The following CDYL variants were observed in gnomAD, a reference collection of about 807,000 sequenced individuals.
The protein encoded by CDYL is chromodomain Y-like protein.
CDYL carries 8 observed loss-of-function variants against 47.3 expected under a neutral mutation model. The ratio of observed to expected loss-of-function variants is 0.17; its 90% confidence interval spans 0.10 to 0.31. CDYL has a LOEUF of 0.31. CDYL is among the 10% of genes least tolerant of loss of function. The pLI is 1.00. For missense variants in CDYL, 471 were observed against 701.4 expected (o/e 0.67, Z 3.71); for synonymous variants, 266 against 265.0 (o/e 1.00, Z -0.04).
intron 6 of CDYL, among the ~76,000 whole-genome samples, chr6:4,953,124 C>G (rs1199960964): frequency 6.6e-6 from 1 of 150,988 alleles, no homozygotes; most frequent in Non-Finnish European, 1.5e-5. Context: ...TGGCTCACGC[C>G]TATAATCCCA....
intron 6 of CDYL, among the ~76,000 whole-genome samples, chr6:4,953,255 A>T (rs1030834513): frequency 2.6e-5 from 4 of 151,730 alleles, no homozygotes; most frequent in Non-Finnish European, 4.4e-5. Context: ...TTGGTGGTGC[A>T]CGCCTGTAAT....
At chr6:4,915,369 T>C (rs1050301076) in intron 2 of CDYL, among the ~76,000 whole-genome samples, 5 of 152,200 alleles carry the variant, frequency 3.3e-5, no homozygotes, top group African/African-American at 1.2e-4. Flanking sequence ...CTTATGTGTT[T>C]TGACATTAGA....
At chr6:4,791,426 T>C (rs550626514) in intron 1 of CDYL, among the ~76,000 whole-genome samples, 1 of 152,362 alleles carries the variant, frequency 6.6e-6, no homozygotes, top group South Asian at 2.1e-4. Flanking sequence ...CAAAATCTGT[T>C]TCTCAATTAG....
intron 2 of CDYL, among the ~76,000 whole-genome samples, chr6:4,922,608 T>A (rs1757749679): frequency 6.6e-6 from 1 of 152,170 alleles, no homozygotes; most frequent in African/African-American, 2.4e-5. Context: ...GCTTCAGAGC[T>A]CCCTGCTGGT....
chr6:4,739,021 C>T (rs557151198), intron 3 of CDYL, among the ~76,000 whole-genome samples: 3 of 152,074 alleles, frequency 2.0e-5, no homozygotes, highest in African/African-American at 7.2e-5. Context: ...ATTAGCCGGG[C>T]GTGGTGGCAC....
At chr6:4,858,060 C>T (rs1761060816) in intron 1 of CDYL, among the ~76,000 whole-genome samples, 1 of 150,142 alleles carries the variant, frequency 6.7e-6, no homozygotes, top group African/African-American at 2.5e-5. Context: ...GGCTCTGCCT[C>T]CTTCACTTAT....
intron 3 of CDYL, among the ~76,000 whole-genome samples, chr6:4,750,783 A>G (rs1019508994): frequency 6.6e-6 from 1 of 151,812 alleles, no homozygotes; most frequent in African/African-American, 2.4e-5. Flanking sequence ...AAAAAAAATC[A>G]CGCGTGTCTT....
upstream of CDYL, among the ~76,000 whole-genome samples, chr6:4,775,945 C>T (rs1758427387): frequency 6.7e-6 from 1 of 149,638 alleles, no homozygotes; most frequent in South Asian, 2.1e-4. The surrounding 1 kb of genome is among the most constrained non-coding windows in gnomAD (Gnocchi z 7.0). Flanking sequence ...AGACGCGGGC[C>T]GGCTCGCTCG....
At chr6:4,896,949 A>G (rs962989130) in intron 2 of CDYL, among the ~76,000 whole-genome samples, 5 of 151,454 alleles carry the variant, frequency 3.3e-5, no homozygotes, top group Non-Finnish European at 5.9e-5. Context: ...ATAACCATAT[A>G]TGTGTTTGCT....
intron 2 of CDYL, among the ~76,000 whole-genome samples, chr6:4,920,522 T>C (rs1461461419): frequency 6.6e-6 from 1 of 152,200 alleles, no homozygotes; most frequent in Non-Finnish European, 1.5e-5. Flanking sequence ...AGGGCGCCGT[T>C]CCTGGAACAG....
In CDYL at chr6:4,813,156, C is replaced by G. The variant is rs185538882; in HGVS notation, c.24+36349C>G. On this transcript the variant is annotated intron_variant, in intron 1 of 6. Coordinates refer to ENST00000397588, the MANE Select transcript of CDYL (RefSeq NM_004824.4). Reference sequence around the variant, plus strand: ...TCGAATTAATTATAGTTCGTACTTGCTTTTCCTTGTGTTTATGCATCCATT... The same window carrying G: ...TCGAATTAATTATAGTTCGTACTTGGTTTTCCTTGTGTTTATGCATCCATT... Among the ~76,000 whole-genome samples, 682 of 152,246 alleles carry G rather than the reference C, an allele frequency of 4.5e-3. 4 individuals are homozygous for G. The highest frequency in any genetic ancestry group is 0.016 in the African/African-American group (654 of 41,556).
At chr6:4,776,145 C>A (rs1581158381), upstream of CDYL, among the ~76,000 whole-genome samples, 7 of 113,928 alleles carry the variant, frequency 6.1e-5, no homozygotes, top group South Asian at 2.3e-3. Flanking sequence ...AAGTCGGAGC[C>A]CCGCCCACCA....
intron 1 of CDYL, among the ~76,000 whole-genome samples, chr6:4,817,300 G>A (rs139268285): frequency 6.6e-6 from 1 of 151,262 alleles, no homozygotes; most frequent in Non-Finnish European, 1.5e-5. Flanking sequence ...CAGGTACACA[G>A]TTACAAGTAA....
At chr6:4,798,625 A>G (rs1759141122) in intron 1 of CDYL, among the ~76,000 whole-genome samples, 1 of 152,236 alleles carries the variant, frequency 6.6e-6, no homozygotes, top group South Asian at 2.1e-4. Context: ...GTCTATCTTC[A>G]TAAGGTATGT....
At chr6:4,866,103 G>A (rs969490936) in intron 1 of CDYL, among the ~76,000 whole-genome samples, 4 of 152,028 alleles carry the variant, frequency 2.6e-5, no homozygotes, top group South Asian at 4.1e-4. Flanking sequence ...CTAATCTTAC[G>A]CATTTTGGAA....
At chr6:4,825,124 G>C (rs887475562) in intron 1 of CDYL, among the ~76,000 whole-genome samples, 1 of 152,124 alleles carries the variant, frequency 6.6e-6, no homozygotes, top group African/African-American at 2.4e-5. Flanking sequence ...GCCAGCCTCG[G>C]CCTCCCAAAG....
intron 1 of CDYL, among the ~76,000 whole-genome samples, chr6:4,846,991 T>C (rs1217443313): frequency 6.6e-6 from 1 of 152,230 alleles, no homozygotes; most frequent in Non-Finnish European, 1.5e-5. Context: ...TCCACTTAGA[T>C]CTGTGATCCC....
chr6:4,917,124 C>A (rs1757580674), intron 2 of CDYL, among the ~76,000 whole-genome samples: 1 of 152,166 alleles, frequency 6.6e-6, no homozygotes, highest in East Asian at 1.9e-4. Context: ...AAATCGTTTG[C>A]TTTCATGGTT....
intron 2 of CDYL, among the ~76,000 whole-genome samples, chr6:4,928,942 C>A (rs1186780045): frequency 2.0e-5 from 3 of 152,042 alleles, no homozygotes; most frequent in African/African-American, 7.2e-5. Flanking sequence ...GTGATGAGGC[C>A]AAGCAGTTAC....
Sources: allele counts gnomAD v4.1 joint callset (sites outside exome capture counted in the v4.1 genomes callset), GRCh38; gene constraint gnomAD v4.1.1; non-coding constraint Gnocchi (gnomAD v3.1); transcripts MANE v1.5; gene names NCBI Gene and HGNC (gene_info 2026-07-23, HGNC 2026-07-21).